COL14A1: variants seen among roughly 807,000 people sequenced by gnomAD.
COL14A1 encodes collagen alpha-1(XIV) chain.
COL14A1 carries 136 observed loss-of-function variants against 230.3 expected under a neutral mutation model. That is an observed-to-expected ratio of 0.59 (90% confidence interval 0.51 to 0.68). COL14A1 has a LOEUF of 0.68. COL14A1 is among the 30% of genes least tolerant of loss of function. The probability of loss-of-function intolerance (pLI) is 0.00; values close to 1 mark genes in which losing one functional copy is unlikely to be tolerated. For synonymous variants in COL14A1, 792 were observed against 784.1 expected, an observed-to-expected ratio of 1.01 and a Z score of -0.17; for missense variants, 1,976 against 2,215.8, an observed-to-expected ratio of 0.89 and a Z score of 2.17.
In COL14A1 at chr8:120,371,172, G is replaced by C. The variant is rs781635695; in HGVS notation, c.5332G>C (p.Glu1778Gln). Reference protein sequence around the residue: ...GVRAPHPDQPEFTPVQDELEA... With the variant: ...GVRAPHPDQPQFTPVQDELEA... ...TTTAGCTCCCCATCCAGATCAGCCA[G>C]AGTTCACCCCTGTCCAAGATGAGCT... The change falls in exon 48 of 48, where the codon GAG (glutamate) becomes CAG (glutamine). Residue 1778 changes from glutamate (E) to glutamine (Q), a missense_variant. Glu to Gln is a conservative substitution (Grantham distance 29, BLOSUM62 2). Coordinates refer to ENST00000297848, the MANE Select transcript of COL14A1 (RefSeq NM_021110.4). 2 of 1,610,862 alleles carry C rather than the reference G, an allele frequency of 1.2e-6. No homozygotes were observed. The highest frequency in any genetic ancestry group is 3.4e-5 in the Admixed American group (2 of 59,406).
At chr8:120,241,877 G>A (rs1164576611) in intron 19 of COL14A1, among the ~76,000 whole-genome samples, 1 of 152,072 alleles carries the variant, frequency 6.6e-6, no homozygotes, top group African/African-American at 2.4e-5. Flanking sequence ...ATTTCAAAAG[G>A]TGGTAGTGAA....
chr8:120,262,874 A>G lies in COL14A1; in HGVS notation c.2876A>G (p.Gln959Arg). 6.2e-7 allele frequency: 1 copy of G among 1,602,888 alleles called. No individual in the cohort carries two copies. Among genetic ancestry groups the G allele is most frequent in the South Asian group, 1.1e-5 (1 of 88,372 alleles). The part of the protein sequence containing the change: ...RVVIESLQDR[Q>R]KQESTVGGGT... ...TGTTTTGTTTTTATTATAGATAGGC[A>G]AAAGCAAGAATCCACTGTGGGTGGA... Residue 959 changes from glutamine (Q) to arginine (R), a missense_variant, in exon 24 of 48, where the codon CAA (glutamine) becomes CGA (arginine). This residue lies in a region of COL14A1 where 1,791 missense variants were observed against 2,019.5 expected (regional missense o/e 0.89). Coordinates refer to ENST00000297848, the MANE Select transcript of COL14A1 (RefSeq NM_021110.4).
intron 14 of COL14A1, among the ~76,000 whole-genome samples, chr8:120,221,720 G>A (rs1817940941): frequency 1.3e-5 from 2 of 152,102 alleles, no homozygotes; most frequent in African/African-American, 4.8e-5. Context: ...ACAAGGTCAA[G>A]GCCTAACTAG....
At chr8:120,277,683 C>T (rs1194517707) in intron 26 of COL14A1, 1 of 152,244 alleles carries the variant, frequency 6.6e-6, no homozygotes, top group East Asian at 1.9e-4. Context: ...TGCATGCTCT[C>T]ACTTAGAAGT....
intron 1 of COL14A1, among the ~76,000 whole-genome samples, chr8:120,143,316 A>G (rs556129632): frequency 6.6e-6 from 1 of 152,306 alleles, no homozygotes; most frequent in South Asian, 2.1e-4. Flanking sequence ...GCATAACAGC[A>G]ATTAAAAAAT....
chr8:120,235,604 G>T (rs771500734), intron 19 of COL14A1, among the ~76,000 whole-genome samples: 1 of 151,976 alleles, frequency 6.6e-6, no homozygotes, highest in Non-Finnish European at 1.5e-5. Context: ...GGCTTTTCGT[G>T]TCTCTATCTC....
chr8:120,243,991 C>T lies in COL14A1; in HGVS notation c.2462C>T (p.Ser821Phe), dbSNP rs1586798656. The T allele has an allele frequency of 1.9e-6, 3 of 1,611,876 alleles. No homozygotes were observed. The highest frequency in any genetic ancestry group is 1.3e-5 in the African/African-American group (1 of 74,780). Residue 821 changes from serine to phenylalanine, a missense_variant, in exon 20 of 48, where the codon TCC (serine) becomes TTC (phenylalanine). Physicochemically the swap from Ser to Phe is radical, Grantham distance 155 (BLOSUM62 -2). Coordinates refer to ENST00000297848, the MANE Select transcript of COL14A1 (RefSeq NM_021110.4). ...ACGGATGGCGAAGGCGTCAGCGTCT[C>T]CGCTCCTGGAAAAACCTGTAAGTGA... ...IYTDGEGVSV[S>F]APGKTLPSSG... is the part of the protein sequence containing the mutation.
chr8:120,215,997 A>T (rs752659903), intron 13 of COL14A1, among the ~76,000 whole-genome samples: 1 of 152,208 alleles, frequency 6.6e-6, no homozygotes, highest in Non-Finnish European at 1.5e-5. Flanking sequence ...TCACATGGTA[A>T]TTGAGTGGAC....
intron 5 of COL14A1, among the ~76,000 whole-genome samples, chr8:120,173,651 T>A (rs1586737669): frequency 1.3e-5 from 1 of 79,680 alleles, no homozygotes; most frequent in African/African-American, 5.6e-5. Flanking sequence ...TATCTGTCTC[T>A]ATCTATCTAT....
At chr8:120,164,485 T>G (rs934170362) in intron 4 of COL14A1, among the ~76,000 whole-genome samples, 1 of 152,138 alleles carries the variant, frequency 6.6e-6, no homozygotes, top group African/African-American at 2.4e-5. Context: ...TAATTGCAGT[T>G]TTTGCAATTA....
chr8:120,314,991 T>G (rs1821166090), intron 38 of COL14A1, among the ~76,000 whole-genome samples: 1 of 152,252 alleles, frequency 6.6e-6, no homozygotes, highest in Admixed American at 6.5e-5. Flanking sequence ...AGACTGTATA[T>G]TCTATGTTAA....
At chr8:120,239,774 G>A (rs987921358) in intron 19 of COL14A1, among the ~76,000 whole-genome samples, 1 of 151,288 alleles carries the variant, frequency 6.6e-6, no homozygotes, top group African/African-American at 2.4e-5. Context: ...TCCTAAAAAT[G>A]AGACCCGTGG....
chr8:120,211,820 C>T (rs1276698985), intron 12 of COL14A1, among the ~76,000 whole-genome samples: 1 of 152,092 alleles, frequency 6.6e-6, no homozygotes, highest in Non-Finnish European at 1.5e-5. Flanking sequence ...TGTCACACAA[C>T]TGAGAATGTT....
chr8:120,309,503 G>A (rs1820958385), intron 36 of COL14A1, among the ~76,000 whole-genome samples: 2 of 151,978 alleles, frequency 1.3e-5, no homozygotes, highest in East Asian at 1.9e-4. Context: ...TAATAGTCTA[G>A]ATAATATGGC....
At chr8:120,192,286 A>C (rs7386561) in intron 5 of COL14A1, among the ~76,000 whole-genome samples, 36,841 of 151,862 alleles carry the variant, frequency 0.24, 4,737 homozygotes, top group African/African-American at 0.32. Context: ...AAAGTATTTT[A>C]TTTCTCCTTC....
At chr8:120,362,564 G>A (rs909706887) in intron 45 of COL14A1, among the ~76,000 whole-genome samples, 2 of 152,220 alleles carry the variant, frequency 1.3e-5, no homozygotes, top group Non-Finnish European at 2.9e-5. Context: ...ACGAGTCAGT[G>A]TTAGGTTAGT....
chr8:120,169,659 CT>C lies in COL14A1; in HGVS notation c.436+1417del, dbSNP rs1454457331. Among the ~76,000 whole-genome samples the C allele has an allele frequency of 3.3e-5, 5 of 151,758 alleles. No individual in the cohort carries two copies. The East Asian group carries it at 9.6e-4, about 29-fold the overall frequency. Reference sequence around the variant, plus strand: ...TAATTTGCCTTGCAACTTTATTCATCTTTTTGATAATTTTTAATACAATTAA... The same window carrying C: ...TAATTTGCCTTGCAACTTTATTCATCTTTTGATAATTTTTAATACAATTAA... On this transcript the variant is annotated intron_variant, in intron 5 of 47. Coordinates refer to ENST00000297848, the MANE Select transcript of COL14A1 (RefSeq NM_021110.4).
At chr8:120,310,142 T>C in intron 37 of COL14A1, 80 bp downstream of exon 37, 1 of 1,450,602 alleles carries the variant, frequency 6.9e-7, no homozygotes, top group Non-Finnish European at 9.6e-7. Flanking sequence ...GAGCTAAATG[T>C]GACTTATTTC....
rs577309036 is a variant in COL14A1 at position 120,162,470 on chromosome 8, G to A, written c.250G>A (p.Ala84Thr). The A allele has an allele frequency of 6.2e-7, 1 of 1,611,926 alleles. No homozygotes were observed. Among genetic ancestry groups the A allele is most frequent in the African/African-American group, 1.3e-5 (1 of 74,958 alleles). Residue 84 changes from alanine to threonine, a missense_variant, in exon 4 of 48, where the codon GCA (alanine) becomes ACA (threonine). Ala to Thr is a moderately conservative substitution (Grantham distance 58, BLOSUM62 0). This residue lies in a region of COL14A1 where 181 missense variants were observed against 178.6 expected (regional missense o/e 1.01). Transcript: ENST00000297848. ...GAATCTGCAGAACACTGCAACTAAA[G>A]CAATTATTCAAGGCCTTATGCCAGA... The part of the protein sequence containing the change: ...QLNLQNTATK[A>T]IIQGLMPDQN...
Sources: allele counts gnomAD v4.1 joint callset (sites outside exome capture counted in the v4.1 genomes callset), GRCh38; gene constraint gnomAD v4.1.1; regional missense constraint gnomAD v4.1.1; transcripts MANE v1.5; gene names NCBI Gene and HGNC (gene_info 2026-07-23, HGNC 2026-07-21).